Variants in MAPKBP1 observed in about 807,000 individuals in gnomAD.
MAPKBP1 encodes mitogen-activated protein kinase binding protein 1.
MAPKBP1 carries 71 observed loss-of-function variants against 170.5 expected under a neutral mutation model. That is an observed-to-expected ratio of 0.42 (90% confidence interval 0.34 to 0.51). MAPKBP1 has a LOEUF of 0.51. Ranked by LOEUF, MAPKBP1 falls within the 20% of genes least tolerant of loss-of-function variation. MAPKBP1 has a pLI of 0.06. For missense variants in MAPKBP1, 1,598 were observed against 1,933.0 expected, an observed-to-expected ratio of 0.83 and a Z score of 3.25; for synonymous variants, 719 against 757.9, an observed-to-expected ratio of 0.95 and a Z score of 0.84.
chr15:41,787,766 A>AT (rs1420674691), intron 2 of MAPKBP1, among the ~76,000 whole-genome samples: 1 of 152,116 alleles, frequency 6.6e-6, no homozygotes, highest in Non-Finnish European at 1.5e-5. Flanking sequence ...GTTTGTAATC[A>AT]TGTATGGCAC....
At chr15:41,821,862 C>T in intron 24 of MAPKBP1, 103 bp from the exon 25 acceptor site, 1 of 1,565,058 alleles carries the variant, frequency 6.4e-7, no homozygotes, top group South Asian at 1.2e-5. Context: ...CCTTCCAGCT[C>T]ACCACTGCCT....
At chr15:41,790,854 T>TA (rs1185575977) in intron 2 of MAPKBP1, among the ~76,000 whole-genome samples, 2 of 152,190 alleles carry the variant, frequency 1.3e-5, no homozygotes, top group Non-Finnish European at 2.9e-5. Flanking sequence ...CTGGGCATGA[T>TA]ACCTGCCCTT....
Position 41,817,592 on chromosome 15 carries a change from C to A in MAPKBP1, c.1783-22C>A. 1 of 1,614,136 alleles carries A rather than the reference C, an allele frequency of 6.2e-7. No homozygotes were observed. The highest frequency in any genetic ancestry group is 8.5e-7 in the Non-Finnish European group (1 of 1,180,002). On this transcript the variant is annotated intron_variant, in intron 15 of 30. Coordinates refer to ENST00000457542, the MANE Select transcript of MAPKBP1 (RefSeq NM_014994.3). The surrounding 1 kb of genome is among the most constrained non-coding windows in gnomAD (Gnocchi z 4.2). Reference sequence around the variant, plus strand: ...GGTGAGGCATTTGGGTGTGGGCCTGCCCACATGCTCCACCCCTGCAGTCTG... The same window carrying A: ...GGTGAGGCATTTGGGTGTGGGCCTGACCACATGCTCCACCCCTGCAGTCTG...
In MAPKBP1 at chr15:41,817,415, G is replaced by C; in HGVS notation, c.1739G>C (p.Ser580Thr). ...AGTGATGGGCAAGTCCGCATGATCA[G>C]CTGTGGAGCAGACAAGAGCATCTAC... ...AASDGQVRMI[S>T]CGADKSIYFR... Residue 580 changes from serine (S) to threonine (T), a missense_variant, in exon 15 of 31, where the codon AGC becomes ACC. Transcript: ENST00000457542. This position sits in a 1 kb window ranked among gnomAD's most constrained non-coding sequence, Gnocchi z 4.2. 6.2e-7 allele frequency: 1 copy of C among 1,614,218 alleles called. No individual in the cohort carries two copies. Among genetic ancestry groups the C allele is most frequent in the Non-Finnish European group, 8.5e-7 (1 of 1,180,036 alleles).
At chr15:41,785,547 AT>A (rs940693905) in intron 2 of MAPKBP1, among the ~76,000 whole-genome samples, 2 of 151,906 alleles carry the variant, frequency 1.3e-5, no homozygotes, top group African/African-American at 2.4e-5. Flanking sequence ...TGTAGAAATA[AT>A]TTTTTTTCTT....
intron 2 of MAPKBP1, among the ~76,000 whole-genome samples, chr15:41,798,210 A>G (rs2064527028): frequency 7.5e-6 from 1 of 133,866 alleles, no homozygotes; most frequent in Non-Finnish European, 1.6e-5. Flanking sequence ...AGATGGTGCC[A>G]CTGCACTCCA....
chr15:41,826,091 T>C lies in MAPKBP1; in HGVS notation c.*655T>C, dbSNP rs1004127884. ...CCTCCAAGAGGGGCCCAGCATTGTA[T>C]TTCCCTGTGACCCCTTACTCTCCTG... is the stretch of plus-strand genomic sequence containing the variant. On this transcript the variant is annotated 3_prime_UTR_variant, in exon 31 of 31. Transcript: ENST00000457542. The C allele has an allele frequency of 6.5e-6, 1 of 152,790 alleles. No homozygotes were observed. The highest frequency in any genetic ancestry group is 2.4e-5 in the African/African-American group (1 of 41,458). The allele number at this position is 152,790 out of a possible 1,614,324, so 9.5% of individuals were successfully genotyped here. A position where few individuals can be genotyped will look rare whatever the true frequency, so the allele number is the denominator to read the frequency against.
In MAPKBP1 at chr15:41,824,544, G is replaced by A. The variant is rs752736329; in HGVS notation, c.4274G>A (p.Arg1425His). Residue 1425 changes from arginine (R) to histidine (H), a missense_variant, in exon 30 of 31, where the codon CGC (arginine) becomes CAC (histidine). By Grantham distance (29) the Arg-to-His change is conservative. This residue lies in a region of MAPKBP1 where 942 missense variants were observed against 953.2 expected (regional missense o/e 0.99). Coordinates refer to ENST00000457542, the MANE Select transcript of MAPKBP1 (RefSeq NM_014994.3). ...GTGGCAGAGCTCCGCGGCAGCGTGC[G>A]CCAGGCAGTGCGGCTCTACCACTCG... is the stretch of plus-strand genomic sequence containing the variant. The part of the protein sequence containing the change: ...QLVAELRGSV[R>H]QAVRLYHSVA... 26 of 1,600,744 alleles carry A rather than the reference G, an allele frequency of 1.6e-5. No homozygotes were observed. The highest frequency in any genetic ancestry group is 4.5e-5 in the East Asian group (2 of 44,538).
rs1057310505 is a variant in MAPKBP1 at position 41,812,134 on chromosome 15, G to A, written c.498+7G>A. Reference sequence around the variant, plus strand: ...CAACGTGTGGGCCTGGAAGGTGAGTGGCTGGGTGGGGTGGCCTGGCAGCCT... The same window carrying A: ...CAACGTGTGGGCCTGGAAGGTGAGTAGCTGGGTGGGGTGGCCTGGCAGCCT... On this transcript the variant is annotated splice_region_variant and intron_variant, in intron 6 of 30. Transcript: ENST00000457542. 3 of 1,613,940 alleles carry A rather than the reference G, an allele frequency of 1.9e-6. No individual in the cohort carries two copies. Among genetic ancestry groups the A allele is most frequent in the Non-Finnish European group, 2.5e-6 (3 of 1,179,980 alleles).
At chr15:41,786,799 T>TATATATATATATATATATATATATATAA (rs2064305643) in intron 2 of MAPKBP1, among the ~76,000 whole-genome samples, 1 of 126,694 alleles carries the variant, frequency 7.9e-6, no homozygotes, top group Non-Finnish European at 1.6e-5. Context: ...TATATATATA[T>TATATATATATATATATATATATATATAA]ATATAGGTAT....
intron 2 of MAPKBP1, among the ~76,000 whole-genome samples, chr15:41,796,125 T>C (rs1014287249): frequency 1.3e-5 from 2 of 152,160 alleles, no homozygotes; most frequent in Non-Finnish European, 2.9e-5. Flanking sequence ...CTGATTTCCA[T>C]GGTGTAAGTC....
Position 41,823,892 on chromosome 15 carries a change from G to T in MAPKBP1, c.4044G>T (p.Lys1348Asn). ...GTTTGGGGGAGGGCACCACTCCCAA[G>T]CCTAGGACAGAGTGCCAGGCTCATC... ...WACLGEGTTP[K>N]PRTECQAHPG... The change falls in exon 29 of 31, where the codon AAG (lysine) becomes AAT (asparagine). Residue 1348 changes from lysine (K) to asparagine (N), a missense_variant. Physicochemically the swap from Lys to Asn is moderately conservative, Grantham distance 94 (BLOSUM62 0). Around this residue, in one of 6 missense-constraint regions of MAPKBP1, gnomAD observed 942 missense variants for 953.2 expected, o/e 0.99. Coordinates refer to ENST00000457542, the MANE Select transcript of MAPKBP1 (RefSeq NM_014994.3). 1 of 1,614,154 alleles carries T rather than the reference G, an allele frequency of 6.2e-7. No homozygotes were observed. The highest frequency in any genetic ancestry group is 1.1e-5 in the South Asian group (1 of 91,080).
chr15:41,814,190 G>A (rs901079924), intron 9 of MAPKBP1, among the ~76,000 whole-genome samples: 3 of 152,252 alleles, frequency 2.0e-5, no homozygotes, highest in South Asian at 2.1e-4. Flanking sequence ...CAGCAGTCAT[G>A]TAGATGGGAA....
intron 2 of MAPKBP1, among the ~76,000 whole-genome samples, chr15:41,789,352 T>C (rs2064355098): frequency 6.6e-6 from 1 of 151,794 alleles, no homozygotes; most frequent in Non-Finnish European, 1.5e-5. Flanking sequence ...TTGAGATAAC[T>C]CCTTTTCTTG....
Position 41,813,022 on chromosome 15 carries a change from G to A in MAPKBP1, c.740G>A (p.Ser247Asn), listed in dbSNP as rs2064829670. 4.3e-6 allele frequency: 7 copies of A among 1,614,064 alleles called. No homozygotes were observed. Among genetic ancestry groups the A allele is most frequent in the Non-Finnish European group, 5.9e-6 (7 of 1,179,956 alleles). ...TGTGGCAGAGGAAAAAAGGCGGACA[G>A]TACCTTCTGCATCACGTCCTCAGGG... ...VACGRGKKADSTFCITSSGLL... is the reference protein window; with the variant it reads ...VACGRGKKADNTFCITSSGLL... Residue 247 changes from serine (S) to asparagine (N), a missense_variant, in exon 8 of 31, where the codon AGT (serine) becomes AAT (asparagine). This residue lies in a region of MAPKBP1 where 430 missense variants were observed against 617.2 expected (regional missense o/e 0.70). Coordinates refer to ENST00000457542, the MANE Select transcript of MAPKBP1 (RefSeq NM_014994.3).
chr15:41,786,624 G>A (rs976114427), intron 2 of MAPKBP1, among the ~76,000 whole-genome samples: 24 of 150,504 alleles, frequency 1.6e-4, no homozygotes, highest in Non-Finnish European at 3.1e-4. Context: ...AATTAGCTGG[G>A]CGTGGTGGCG....
chr15:41,814,511 C>T, intron 9 of MAPKBP1, 39 bp from the exon 10 acceptor site: 1 of 1,590,658 alleles, frequency 6.3e-7, no homozygotes, highest in Non-Finnish European at 8.6e-7. Flanking sequence ...CTTTTCATTC[C>T]CTTCAGTCTG....
intron 10 of MAPKBP1, 109 bp downstream of exon 10, chr15:41,814,848 C>G (rs1245002894): frequency 2.9e-6 from 4 of 1,367,704 alleles, no homozygotes; most frequent in Middle Eastern, 2.5e-4. Context: ...TGCTGCCTCC[C>G]TGTTTCTCCA....
intron 3 of MAPKBP1, among the ~76,000 whole-genome samples, chr15:41,800,818 T>C (rs1013216737): frequency 2.6e-5 from 4 of 152,252 alleles, no homozygotes; most frequent in Non-Finnish European, 5.9e-5. Flanking sequence ...AGTGGTATGA[T>C]CATGGCTGAC....
Sources: allele counts gnomAD v4.1 joint callset (sites outside exome capture counted in the v4.1 genomes callset), GRCh38; gene constraint gnomAD v4.1.1; regional missense constraint gnomAD v4.1.1; non-coding constraint Gnocchi (gnomAD v3.1); transcripts MANE v1.5; gene names NCBI Gene and HGNC (gene_info 2026-07-23, HGNC 2026-07-21).